Variants in GALNTL6 observed in about 807,000 individuals in gnomAD.
GALNTL6 encodes the protein polypeptide N-acetylgalactosaminyltransferase like 6.
In GALNTL6, 46 loss-of-function variants were observed where a neutral mutation model predicts 73.7. The observed-to-expected ratio is 0.62, with a 90% CI of 0.49 to 0.80. The LOEUF (loss-of-function observed/expected upper bound fraction) is 0.80. Among genes scored for constraint, GALNTL6 ranks in the 30% least tolerant of loss-of-function variants. The pLI is 0.00. For synonymous variants in GALNTL6, 259 were observed against 263.7 expected, an observed-to-expected ratio of 0.98 and a Z score of 0.17; for missense variants, 604 against 755.0, an observed-to-expected ratio of 0.80 and a Z score of 2.34.
intron 2 of GALNTL6, among the ~76,000 whole-genome samples, chr4:172,052,834 A>G (rs1450798680): frequency 6.6e-6 from 1 of 152,162 alleles, no homozygotes; most frequent in African/African-American, 2.4e-5. Context: ...ACTAGCATAA[A>G]CATACATACA....
chr4:172,870,792 G>T (rs1463907695), intron 7 of GALNTL6, among the ~76,000 whole-genome samples: 1 of 152,160 alleles, frequency 6.6e-6, no homozygotes, highest in Non-Finnish European at 1.5e-5. Context: ...TTCATTTCAG[G>T]ATTATTAGAG....
At chr4:171,900,832 T>G (rs1033977651) in intron 2 of GALNTL6, among the ~76,000 whole-genome samples, 1 of 152,100 alleles carries the variant, frequency 6.6e-6, no homozygotes, top group Non-Finnish European at 1.5e-5. Context: ...GTTAGACTAT[T>G]CCACAAGAAT....
intron 5 of GALNTL6, among the ~76,000 whole-genome samples, chr4:172,484,271 A>G (rs1476625522): frequency 6.6e-6 from 1 of 152,220 alleles, no homozygotes; most frequent in Non-Finnish European, 1.5e-5. Flanking sequence ...CACGACAACA[A>G]AAAACAATGT....
intron 2 of GALNTL6, among the ~76,000 whole-genome samples, chr4:171,946,893 T>C (rs1355132047): frequency 3.1e-5 from 4 of 128,068 alleles, no homozygotes; most frequent in Non-Finnish European, 6.8e-5. Context: ...CGGTAAGGAC[T>C]CCATATGTTT....
chr4:171,906,410 C>T (rs1437234446), intron 2 of GALNTL6, among the ~76,000 whole-genome samples: 1 of 151,720 alleles, frequency 6.6e-6, no homozygotes, highest in Non-Finnish European at 1.5e-5. Flanking sequence ...TGGATAAATT[C>T]CTCGACACAT....
intron 3 of GALNTL6, among the ~76,000 whole-genome samples, chr4:172,309,425 T>TA (rs1740272055): frequency 6.6e-6 from 1 of 151,658 alleles, no homozygotes; most frequent in Non-Finnish European, 1.5e-5. Flanking sequence ...AAAGTGTTTT[T>TA]AAAATCATAT....
In GALNTL6 at chr4:171,849,268, C is replaced by G. The variant is rs149140703; in HGVS notation, c.138+34550C>G. 3.9e-3 allele frequency among the ~76,000 whole-genome samples: 597 copies of G among 152,212 alleles called. 2 individuals carry two copies. The highest frequency in any genetic ancestry group is 0.014 in the African/African-American group (574 of 41,538). On this transcript the variant is annotated intron_variant, in intron 2 of 12. Coordinates refer to ENST00000506823, the MANE Select transcript of GALNTL6 (RefSeq NM_001034845.3). ...TATTGTGTCTCAGACAATAGAGAGG[C>G]CTGAGGAGAGGGAACAGATGGGAAA...
chr4:172,675,837 T>G (rs1452170557), intron 5 of GALNTL6, among the ~76,000 whole-genome samples: 2 of 152,342 alleles, frequency 1.3e-5, no homozygotes, highest in South Asian at 2.1e-4. Context: ...TTTCTCCAAC[T>G]TTTTCATGTC....
chr4:172,327,467 C>G (rs894463726), intron 4 of GALNTL6, among the ~76,000 whole-genome samples: 12 of 152,038 alleles, frequency 7.9e-5, no homozygotes, highest in Non-Finnish European at 1.5e-4. Context: ...CTTTCTGCCT[C>G]AGCGATCTAA....
intron 2 of GALNTL6, among the ~76,000 whole-genome samples, chr4:171,880,295 C>T (rs946701027): frequency 6.6e-6 from 1 of 152,156 alleles, no homozygotes; most frequent in Admixed American, 6.5e-5. Flanking sequence ...CAGATGCATC[C>T]TCTAAGTAGG....
At chr4:172,037,255 T>TA (rs1211908329) in intron 2 of GALNTL6, among the ~76,000 whole-genome samples, 1 of 152,108 alleles carries the variant, frequency 6.6e-6, no homozygotes, top group Non-Finnish European at 1.5e-5. Flanking sequence ...TTAGGATAAT[T>TA]AAAAAAATCA....
At chr4:171,871,429 G>C (rs1009690425) in intron 2 of GALNTL6, among the ~76,000 whole-genome samples, 9 of 151,938 alleles carry the variant, frequency 5.9e-5, no homozygotes, top group African/African-American at 2.2e-4. Flanking sequence ...TGTGGATAAG[G>C]GGGGACTGTT....
intron 2 of GALNTL6, among the ~76,000 whole-genome samples, chr4:172,224,707 T>C (rs1044582736): frequency 6.6e-6 from 1 of 152,182 alleles, no homozygotes; most frequent in African/African-American, 2.4e-5. Flanking sequence ...TAGTACACTC[T>C]GGTTTCCATG....
chr4:172,437,020 T>C (rs1579070555), intron 5 of GALNTL6, among the ~76,000 whole-genome samples: 1 of 152,094 alleles, frequency 6.6e-6, no homozygotes, highest in East Asian at 1.9e-4. Flanking sequence ...CTATGATTTT[T>C]TGCACATATA....
chr4:171,937,070 A>G (rs952669335), intron 2 of GALNTL6, among the ~76,000 whole-genome samples: 1 of 152,106 alleles, frequency 6.6e-6, no homozygotes, highest in South Asian at 2.1e-4. Context: ...AAATTCTACT[A>G]CTTCAGATAC....
At chr4:172,235,332 C>T (rs376321450) in intron 3 of GALNTL6, among the ~76,000 whole-genome samples, 2 of 151,962 alleles carry the variant, frequency 1.3e-5, no homozygotes, top group Admixed American at 6.6e-5. Flanking sequence ...CTCAGCCTCC[C>T]GAGGAGCTTG....
intron 5 of GALNTL6, among the ~76,000 whole-genome samples, chr4:172,647,721 C>A (rs2111141029): frequency 6.6e-6 from 1 of 152,178 alleles, no homozygotes; most frequent in South Asian, 2.1e-4. Flanking sequence ...AAAAAGTTAT[C>A]CCAAATTGAC....
chr4:172,380,701 GA>G (rs1277387562), intron 5 of GALNTL6, among the ~76,000 whole-genome samples: 1 of 152,146 alleles, frequency 6.6e-6, no homozygotes, highest in East Asian at 1.9e-4. Flanking sequence ...ATTGAAATCT[GA>G]AAACATATTC....
intron 7 of GALNTL6, among the ~76,000 whole-genome samples, chr4:172,845,495 A>T (rs533871993): frequency 6.6e-6 from 1 of 152,310 alleles, no homozygotes; most frequent in Middle Eastern, 3.4e-3. Flanking sequence ...AGTTTGCAAG[A>T]TGAGACAAAG....
Sources: allele counts gnomAD v4.1 joint callset (sites outside exome capture counted in the v4.1 genomes callset), GRCh38; gene constraint gnomAD v4.1.1; transcripts MANE v1.5; gene names NCBI Gene and HGNC (gene_info 2026-07-23, HGNC 2026-07-21).